Variants in SNED1 observed in about 807,000 individuals in gnomAD.
The protein encoded by SNED1 is sushi, nidogen and EGF like domains 1, also known as sushi, nidogen and EGF-like domain-containing protein 1.
A neutral mutation model predicts 166.7 loss-of-function variants in SNED1; 81 were observed. The ratio of observed to expected loss-of-function variants is 0.49; its 90% CI spans 0.41 to 0.58. The LOEUF is 0.58. SNED1 is among the 20% of genes least tolerant of loss of function. The pLI is 0.00. For missense variants in SNED1, 1,604 were observed against 2,000.2 expected (o/e 0.80, Z 3.78); for synonymous variants, 762 against 822.0 (o/e 0.93, Z 1.25).
intron 4 of SNED1, among the ~76,000 whole-genome samples, chr2:241,034,943 T>C: frequency 6.7e-6 from 1 of 150,302 alleles, no homozygotes; most frequent in East Asian, 1.9e-4. Flanking sequence ...ACACACACAC[T>C]GCTCTGGGTT....
Position 241,012,458 on chromosome 2 carries a change from C to T in SNED1, c.213+13408C>T, listed in dbSNP as rs200515321. ...GCCTGTGAAAGCGCCTTCTCACACT[C>T]GCCTTTTTCCCTCCCTGGTGTTTTT... On this transcript the variant is annotated intron_variant, in intron 1 of 31. Transcript: ENST00000310397. 5.9e-5 allele frequency among the ~76,000 whole-genome samples: 9 copies of T among 152,258 alleles called. No individual in the cohort carries two copies. In the East Asian group the frequency reaches 1.5e-3, roughly 26 times the overall value.
At chr2:241,017,081 C>T (rs1021984563) in intron 1 of SNED1, among the ~76,000 whole-genome samples, 2 of 151,994 alleles carry the variant, frequency 1.3e-5, no homozygotes, top group African/African-American at 2.4e-5. Flanking sequence ...GAACTCCCGA[C>T]CTCAGGTGAT....
chr2:241,053,610 C>T (rs6715941), intron 16 of SNED1, among the ~76,000 whole-genome samples: 137,432 of 152,284 alleles, frequency 0.9, 62,170 homozygotes, highest in African/African-American at 0.97. Flanking sequence ...GCAGATGCAG[C>T]AGCTGAGGCC....
chr2:241,053,113 A>C (rs748946832), intron 15 of SNED1, 40 bp from the exon 16 acceptor site: 1 of 1,577,868 alleles, frequency 6.3e-7, no homozygotes, highest in South Asian at 1.1e-5. Flanking sequence ...GGGGCCAGGA[A>C]GGCACAGGAC....
At chr2:241,027,082 TAC>T (rs982775267) in intron 1 of SNED1, among the ~76,000 whole-genome samples, 1 of 137,074 alleles carries the variant, frequency 7.3e-6, no homozygotes, top group African/African-American at 2.7e-5. Flanking sequence ...CAGATTTCCC[TAC>T]TTTTTTTTTT....
chr2:241,060,811 G>A (rs572981593), intron 16 of SNED1, among the ~76,000 whole-genome samples: 1 of 152,144 alleles, frequency 6.6e-6, no homozygotes, highest in East Asian at 1.9e-4. Flanking sequence ...TGCACCTGTA[G>A]TCCCAGCTAC....
Position 241,069,927 on chromosome 2 carries a change from G to T in SNED1, c.3315G>T (p.Leu1105=). Residue 1105 remains leucine, a synonymous_variant, in exon 24 of 32, where the codon CTG becomes CTT. Coordinates refer to ENST00000310397, the MANE Select transcript of SNED1 (RefSeq NM_001080437.3). This position sits in a 1 kb window ranked among gnomAD's most constrained non-coding sequence, Gnocchi z 4.9. ...TAPTHVWTRP[L]PPANLTAARV... is the part of the protein sequence containing the mutation. ...TGCTCCTGCCTCATCCAGGGCCCCT[G>T]CCTCCAGCAAACCTGACCGCCGCCC... 1.2e-6 allele frequency: 2 copies of T among 1,612,266 alleles called. No individual in the cohort carries two copies. The highest frequency in any genetic ancestry group is 1.7e-6 in the Non-Finnish European group (2 of 1,179,518).
intron 27 of SNED1, among the ~76,000 whole-genome samples, chr2:241,080,838 C>T (rs77086710): frequency 5.3e-5 from 8 of 152,322 alleles, no homozygotes; most frequent in Admixed American, 2.0e-4. Flanking sequence ...TTCACGCTGC[C>T]GTGCCTGTGT....
At chr2:241,030,145 C>T (rs1435425994) in intron 1 of SNED1, 139 bp from the exon 2 acceptor site, 3 of 784,582 alleles carry the variant, frequency 3.8e-6, no homozygotes, top group Admixed American at 5.8e-5. Flanking sequence ...GGGGGGCTGT[C>T]AGGCCACCCT....
intron 2 of SNED1, among the ~76,000 whole-genome samples, chr2:241,032,497 T>G (rs1413610783): frequency 5.1e-4 from 45 of 87,668 alleles, no homozygotes; most frequent in East Asian, 7.5e-4. Flanking sequence ...GGTGGGGGGG[T>G]CGGGGGAGGG....
chr2:241,093,322 T>G lies in SNED1; in HGVS notation c.*1686T>G, dbSNP rs1227267706. On this transcript the variant is annotated 3_prime_UTR_variant, in exon 32 of 32. Coordinates refer to ENST00000310397, the MANE Select transcript of SNED1 (RefSeq NM_001080437.3). ...TGTTTGTCCATGTAAGCTACAGCAT[T>G]ACTAGCAGATGCTAAGATCGAGTGA... is the stretch of plus-strand genomic sequence containing the variant. The G allele has an allele frequency of 1.3e-5, 2 of 152,654 alleles. No homozygotes were observed. Among genetic ancestry groups the G allele is most frequent in the African/African-American group, 4.8e-5 (2 of 41,474 alleles). The allele number at this position is 152,654 out of a possible 1,614,324, so 9.5% of individuals were successfully genotyped here.
intron 16 of SNED1, among the ~76,000 whole-genome samples, chr2:241,057,047 C>T (rs2062068408): frequency 6.6e-6 from 1 of 151,978 alleles, no homozygotes; most frequent in South Asian, 2.1e-4. Context: ...TACATCAACC[C>T]ACAAATTCAA....
rs1450374897 is a variant in SNED1, at chr2:241,069,454, G to A, written c.3307+431G>A. On this transcript the variant is annotated intron_variant, in intron 23 of 31. Transcript: ENST00000310397. The surrounding 1 kb of genome is among the most constrained non-coding windows in gnomAD (Gnocchi z 4.9). Reference sequence around the variant, plus strand: ...GGGTGACAGCATGGACAGTCAGCGCGCAGGGGAGGGACAGGTGAACTGGGC... The same window carrying A: ...GGGTGACAGCATGGACAGTCAGCGCACAGGGGAGGGACAGGTGAACTGGGC... 6.6e-6 allele frequency among the ~76,000 whole-genome samples: 1 copy of A among 152,152 alleles called. No homozygotes were observed. The highest frequency in any genetic ancestry group is 1.5e-5 in the Non-Finnish European group (1 of 68,020).
At chr2:241,061,875 A>G (rs2062243806) in intron 16 of SNED1, among the ~76,000 whole-genome samples, 1 of 151,674 alleles carries the variant, frequency 6.6e-6, no homozygotes, top group African/African-American at 2.4e-5. Flanking sequence ...AAAGAAAAAA[A>G]GAAAACAAAA....
At position 241,081,752 on chromosome 2, in the gene SNED1, G is replaced by A; in HGVS notation, c.3992G>A (p.Cys1331Tyr). Residue 1331 changes from cysteine (C) to tyrosine (Y), a missense_variant, in exon 28 of 32, where the codon TGT becomes TAT. Physicochemically the swap from Cys to Tyr is radical, Grantham distance 194 (BLOSUM62 -2). Coordinates refer to ENST00000310397, the MANE Select transcript of SNED1 (RefSeq NM_001080437.3). Reference protein sequence around the residue: ...TCVPGADAHSCDCGPGFKGRR... With the variant: ...TCVPGADAHSYDCGPGFKGRR... ...GTGCCGGGCGCAGACGCCCACAGCT[G>A]TGACTGCGGGCCAGGGTTCAAAGGC... 1.2e-6 allele frequency: 2 copies of A among 1,605,742 alleles called. No individual in the cohort carries two copies. The highest frequency in any genetic ancestry group is 2.2e-5 in the East Asian group (1 of 44,498).
At chr2:241,042,052 G>A (rs2125049664) in intron 8 of SNED1, among the ~76,000 whole-genome samples, 1 of 152,288 alleles carries the variant, frequency 6.6e-6, no homozygotes, top group Non-Finnish European at 1.5e-5. Flanking sequence ...CCACTCCACT[G>A]TGCTGGGAGG....
rs10573691 is a variant in SNED1 at position 241,095,060 on chromosome 2, G to GCC, written c.*3438_*3439dup. 1.1e-4 allele frequency: 10 copies of GCC among 90,370 alleles called. No individual in the cohort carries two copies. The highest frequency in any genetic ancestry group is 4.9e-4 in the South Asian group (1 of 2,056). The allele number at this position is 90,370 out of a possible 1,614,324, so 5.6% of individuals were successfully genotyped here. A position where few individuals can be genotyped will look rare whatever the true frequency, so the allele number is the denominator to read the frequency against. On this transcript the variant is annotated 3_prime_UTR_variant, in exon 32 of 32. Transcript: ENST00000310397. ...CTCATTGAGTTCCCTAAGGTGACAC[G>GCC]CCCCCCCCCCCCCCCACACCCACCT...
intron 29 of SNED1, among the ~76,000 whole-genome samples, chr2:241,082,978 G>GTCCATTTAGTCAACAGATGAC (rs2063401743): frequency 2.0e-5 from 3 of 152,310 alleles, no homozygotes; most frequent in South Asian, 2.1e-4. Flanking sequence ...GCCGGGCACT[G>GTCCATTTAGTCAACAGATGAC]TTCTAGATAC....
At position 241,049,095 on chromosome 2, in the gene SNED1, C is replaced by A; in HGVS notation, c.1578C>A (p.Ser526Arg). The part of the protein sequence containing the change: ...DGGYCMEHGG[S>R]YLCVCHTDHN... ...GCTACTGCATGGAGCACGGCGGGAGCTACCTCTGCGTCTGCCACACCGACC... is the reference window on the plus strand; with the variant it reads ...GCTACTGCATGGAGCACGGCGGGAGATACCTCTGCGTCTGCCACACCGACC... Residue 526 changes from serine to arginine, a missense_variant, in exon 11 of 32, where the codon AGC (serine) becomes AGA (arginine). By Grantham distance (110) the Ser-to-Arg change is moderately radical. Around this residue, in one of 2 missense-constraint regions of SNED1, gnomAD observed 1,237 missense variants for 1,620.8 expected, o/e 0.76. Transcript: ENST00000310397. 6.2e-7 allele frequency: 1 copy of A among 1,612,602 alleles called. No homozygotes were observed. The highest frequency in any genetic ancestry group is 8.5e-7 in the Non-Finnish European group (1 of 1,179,498).
Sources: gnomAD v4.1 joint callset for allele counts (sites outside exome capture counted in the v4.1 genomes callset) on GRCh38, gnomAD v4.1.1 for gene constraint, gnomAD v4.1.1 regional missense constraint, Gnocchi (gnomAD v3.1) non-coding constraint, MANE v1.5 for transcripts, NCBI Gene and HGNC (gene_info 2026-07-23, HGNC 2026-07-21) for gene names.